The following B4GALT6 variants were observed in gnomAD, a reference collection of about 807,000 sequenced individuals.
B4GALT6 encodes beta-1,4-galactosyltransferase 6.
B4GALT6 carries 14 observed loss-of-function variants against 46.3 expected under a neutral mutation model. The ratio of observed to expected loss-of-function variants is 0.30; its 90% CI spans 0.20 to 0.47. B4GALT6 has a LOEUF of 0.47. Ranked by LOEUF, B4GALT6 falls within the 20% of genes least tolerant of loss-of-function variation. The probability of loss-of-function intolerance (pLI) is 0.99; values close to 1 mark genes in which losing one functional copy is unlikely to be tolerated. For missense variants in B4GALT6, 386 were observed against 480.1 expected, an observed-to-expected ratio of 0.80 and a Z score of 1.83; for synonymous variants, 168 against 162.0, an observed-to-expected ratio of 1.04 and a Z score of -0.28.
chr18:31,623,204 G>C lies in B4GALT6; in HGVS notation c.*2410C>G, dbSNP rs1029960620. ...TTGCAATGTATTTGTTAATCTTTAT[G>C]TAATAATTAATACAATGAAGATAAA... On this transcript the variant is annotated 3_prime_UTR_variant, in exon 9 of 9. Coordinates refer to ENST00000306851, the MANE Select transcript of B4GALT6 (RefSeq NM_004775.5). 3.9e-5 allele frequency: 6 copies of C among 152,002 alleles called. No individual in the cohort carries two copies. Among genetic ancestry groups the C allele is most frequent in the African/African-American group, 1.4e-4 (6 of 41,412 alleles). 9.4% of individuals were successfully genotyped at this position (152,002 alleles called of 1,614,324 possible).
intron 3 of B4GALT6, among the ~76,000 whole-genome samples, chr18:31,648,238 G>A (rs2074016716): frequency 6.6e-6 from 1 of 152,120 alleles, no homozygotes. Flanking sequence ...TTTTTAACTG[G>A]CACAAGTGGT....
At chr18:31,698,962 G>A in the B4GALT6 span, among the ~76,000 whole-genome samples, 6 of 151,804 alleles carry the variant, frequency 4.0e-5, no homozygotes, top group Admixed American at 3.9e-4. Flanking sequence ...AGCTACTTGG[G>A]AGGCTGAGGC....
chr18:31,654,617 C>T (rs2074116041), intron 3 of B4GALT6, among the ~76,000 whole-genome samples: 1 of 152,114 alleles, frequency 6.6e-6, no homozygotes, highest in South Asian at 2.1e-4. Context: ...CCAGTGTTTC[C>T]ATTGCTATAC....
chr18:31,632,807 C>T (rs1011788815), intron 5 of B4GALT6, among the ~76,000 whole-genome samples: 1 of 152,122 alleles, frequency 6.6e-6, no homozygotes, highest in African/African-American at 2.4e-5. Flanking sequence ...TTACTTTGTA[C>T]TGAAGGCCCA....
At chr18:31,705,738 G>A in the B4GALT6 span, among the ~76,000 whole-genome samples, 3 of 152,204 alleles carry the variant, frequency 2.0e-5, no homozygotes, top group African/African-American at 7.2e-5. Flanking sequence ...AAAATTAAGA[G>A]CTTAGACTCT....
intron 2 of B4GALT6, among the ~76,000 whole-genome samples, chr18:31,661,876 G>A (rs1370947909): frequency 6.6e-6 from 1 of 152,120 alleles, no homozygotes; most frequent in Non-Finnish European, 1.5e-5. Flanking sequence ...TTTTGTTAAT[G>A]TCATGCATTA....
chr18:31,641,385 A>T (rs1304362174), intron 4 of B4GALT6, among the ~76,000 whole-genome samples: 2 of 152,252 alleles, frequency 1.3e-5, no homozygotes, highest in Non-Finnish European at 2.9e-5. Context: ...CCAAATTTTA[A>T]TGAGAGGGTT....
rs753655835 is a variant in B4GALT6 at position 31,657,941 on chromosome 18, G to A, written c.346+35C>T. ...TTTTTATGACTGTATTGTAACACAA[G>A]TAAACAGTTAAGTCAAAATTAGATG... On this transcript the variant is annotated intron_variant, in intron 3 of 8. Coordinates refer to ENST00000306851, the MANE Select transcript of B4GALT6 (RefSeq NM_004775.5). 4.6e-6 allele frequency: 7 copies of A among 1,531,104 alleles called. No individual in the cohort carries two copies. The East Asian group carries it at 1.1e-4, about 25-fold the overall frequency. The allele number at this position is 1,531,104 out of a possible 1,614,324, so 94.8% of individuals were successfully genotyped here.
the B4GALT6 span, among the ~76,000 whole-genome samples, chr18:31,718,643 C>A: frequency 6.6e-6 from 1 of 152,098 alleles, no homozygotes; most frequent in African/African-American, 2.4e-5. Context: ...TCTGAACTGG[C>A]CATGAAGAGC....
chr18:31,687,830 G>A (rs920107405), upstream of B4GALT6, among the ~76,000 whole-genome samples: 5 of 152,062 alleles, frequency 3.3e-5, no homozygotes, highest in East Asian at 9.6e-4. Flanking sequence ...TACACAGATT[G>A]CAACTGAAAA....
chr18:31,695,009 A>G, the B4GALT6 span, among the ~76,000 whole-genome samples: 1 of 152,226 alleles, frequency 6.6e-6, no homozygotes, highest in South Asian at 2.1e-4. Context: ...ACATTAAAAT[A>G]TTCTAGGAGA....
the B4GALT6 span, among the ~76,000 whole-genome samples, chr18:31,693,868 T>C: frequency 3.2e-4 from 48 of 152,144 alleles, no homozygotes; most frequent in African/African-American, 1.1e-3. Context: ...CTCAGGAGGC[T>C]GAGGTGGGAG....
At chr18:31,720,265 G>A in the B4GALT6 span, among the ~76,000 whole-genome samples, 8 of 152,216 alleles carry the variant, frequency 5.3e-5, no homozygotes, top group Non-Finnish European at 7.3e-5. Flanking sequence ...AAAGACAGGT[G>A]GATGAACCTG....
At chr18:31,656,164 CT>C (rs1317973237) in intron 3 of B4GALT6, among the ~76,000 whole-genome samples, 1 of 152,060 alleles carries the variant, frequency 6.6e-6, no homozygotes, top group African/African-American at 2.4e-5. Context: ...GTCAATCTTT[CT>C]TTTTATTATT....
rs1388272078 is a variant in B4GALT6, at chr18:31,622,271, A to C, written c.*3343T>G. ...TCTTTAGAACATTATATTTCATAAA[A>C]GACAATGATAAAAAAGTACAAACAT... is the stretch of plus-strand genomic sequence containing the variant. On this transcript the variant is annotated 3_prime_UTR_variant, in exon 9 of 9. Coordinates refer to ENST00000306851, the MANE Select transcript of B4GALT6 (RefSeq NM_004775.5). 1.3e-5 allele frequency: 2 copies of C among 152,104 alleles called. No homozygotes were observed. Among genetic ancestry groups the C allele is most frequent in the South Asian group, 4.1e-4 (2 of 4,832 alleles). The allele number at this position is 152,104 out of a possible 1,614,324, so 9.4% of individuals were successfully genotyped here. A position where few individuals can be genotyped will look rare whatever the true frequency, so the allele number is the denominator to read the frequency against.
chr18:31,720,265 G>T, the B4GALT6 span, among the ~76,000 whole-genome samples: 1 of 152,216 alleles, frequency 6.6e-6, no homozygotes, highest in African/African-American at 2.4e-5. Flanking sequence ...AAAGACAGGT[G>T]GATGAACCTG....
chr18:31,625,467 T>C lies in B4GALT6; in HGVS notation c.*147A>G. 1 of 809,470 alleles carries C rather than the reference T, an allele frequency of 1.2e-6. No individual in the cohort carries two copies. The highest frequency in any genetic ancestry group is 1.8e-5 in the South Asian group (1 of 55,588). 50.1% of individuals were successfully genotyped at this position (809,470 alleles called of 1,614,324 possible). ...CGGGTGAGAGAAGGGTGACTGTATA[T>C]AGTCCCACTCTGTAAACACTGTGGA... On this transcript the variant is annotated 3_prime_UTR_variant, in exon 9 of 9. Transcript: ENST00000306851.
chr18:31,642,710 G>A (rs2073944601), intron 4 of B4GALT6, among the ~76,000 whole-genome samples: 2 of 152,186 alleles, frequency 1.3e-5, no homozygotes, highest in Non-Finnish European at 2.9e-5. Context: ...GTGGTTTTTT[G>A]TTTGTTTGTG....
chr18:31,724,541 G>C, the B4GALT6 span: 1 of 1,022,360 alleles, frequency 9.8e-7, no homozygotes. Context: ...TTCAGGAATC[G>C]ACTGAGACTT....
Sources: gnomAD v4.1 joint callset for allele counts (sites outside exome capture counted in the v4.1 genomes callset) on GRCh38, gnomAD v4.1.1 for gene constraint, MANE v1.5 for transcripts, NCBI Gene and HGNC (gene_info 2026-07-23, HGNC 2026-07-21) for gene names.